NCALD: variants seen among roughly 807,000 people sequenced by gnomAD.
The protein encoded by NCALD is neurocalcin-delta.
NCALD carries 10 observed loss-of-function variants against 18.6 expected under a neutral mutation model. That is an observed-to-expected ratio of 0.54 (90% CI 0.33 to 0.91). NCALD has a LOEUF of 0.91. Ranked by LOEUF, NCALD falls within the 40% of genes least tolerant of loss-of-function variation. The pLI is 0.03. For missense variants in NCALD, 184 were observed against 247.6 expected, an observed-to-expected ratio of 0.74 and a Z score of 1.72; for synonymous variants, 88 against 87.4, an observed-to-expected ratio of 1.01 and a Z score of -0.04.
At chr8:101,999,553 C>A (rs1821369216) in intron 2 of NCALD, among the ~76,000 whole-genome samples, 1 of 152,058 alleles carries the variant, frequency 6.6e-6, no homozygotes, top group Non-Finnish European at 1.5e-5. Context: ...AAAGACTACA[C>A]CTTGGGTACA....
intron 1 of NCALD, among the ~76,000 whole-genome samples, chr8:102,040,307 C>T (rs1386173561): frequency 1.3e-5 from 2 of 151,754 alleles, no homozygotes; most frequent in African/African-American, 2.4e-5. Context: ...AACCCCATCT[C>T]TACTAAAAAC....
At chr8:102,030,610 A>C (rs981362954) in intron 1 of NCALD, among the ~76,000 whole-genome samples, 5 of 152,226 alleles carry the variant, frequency 3.3e-5, no homozygotes, top group Non-Finnish European at 7.3e-5. Context: ...GGCTGGGCAC[A>C]GTGGCTCATG....
In NCALD at chr8:102,031,224, A is replaced by G. The variant is rs200495198; in HGVS notation, c.-209-10935T>C. 4.6e-5 allele frequency among the ~76,000 whole-genome samples: 7 copies of G among 152,352 alleles called. No individual in the cohort carries two copies. In the East Asian group the frequency reaches 1.3e-3, roughly 29 times the overall value. On this transcript the variant is annotated intron_variant, in intron 1 of 6. Transcript: ENST00000311028. The stretch of plus-strand genomic sequence containing the variant: ...TGCAATCAGCAAAATCTAGTCTATG[A>G]GAAACTCTACAAGTCACAAGGCTGG...
chr8:101,910,946 C>G (rs1180131357), intron 3 of NCALD, among the ~76,000 whole-genome samples: 3 of 152,196 alleles, frequency 2.0e-5, no homozygotes, highest in Non-Finnish European at 4.4e-5. Context: ...AAGATAAATG[C>G]ACTTGCTCTG....
At chr8:102,072,879 A>G (rs754030609) in intron 1 of NCALD, among the ~76,000 whole-genome samples, 3 of 152,150 alleles carry the variant, frequency 2.0e-5, no homozygotes, top group South Asian at 2.1e-4. Flanking sequence ...CATTTTTTTC[A>G]TAAGTGTAAA....
At chr8:102,069,278 A>T (rs1824106684) in intron 1 of NCALD, among the ~76,000 whole-genome samples, 2 of 152,160 alleles carry the variant, frequency 1.3e-5, no homozygotes, top group East Asian at 1.9e-4. Context: ...AACATATATC[A>T]TATTGTATCC....
At chr8:101,726,137 G>T (rs1185567405) in intron 1 of NCALD, among the ~76,000 whole-genome samples, 1 of 152,188 alleles carries the variant, frequency 6.6e-6, no homozygotes, top group South Asian at 2.1e-4. Flanking sequence ...TGAGGTGGGG[G>T]AGGAGATGAC....
In NCALD at chr8:101,951,039, C is replaced by A. The variant is rs183037917; in HGVS notation, c.-156-35181G>T. The stretch of plus-strand genomic sequence containing the variant: ...GTTTTGGAGGCCGCAGGTGCTAGAC[C>A]AAGCCATGCAGGCAATGCCAACCAG... On this transcript the variant is annotated intron_variant, in intron 2 of 6. Transcript: ENST00000311028. Among the ~76,000 whole-genome samples the A allele has an allele frequency of 1.2e-3, 188 of 152,316 alleles. 1 individual carries two copies. In the Middle Eastern group the frequency reaches 0.017, roughly 14 times the overall value.
At chr8:102,027,881 C>T (rs944059537) in intron 1 of NCALD, among the ~76,000 whole-genome samples, 7 of 152,160 alleles carry the variant, frequency 4.6e-5, no homozygotes, top group East Asian at 1.9e-4. Flanking sequence ...GGAAAAGCCC[C>T]TGATAAATTC....
In NCALD at chr8:101,917,306, G is replaced by T. The variant is rs143073722; in HGVS notation, c.-156-1448C>A. ...ATTCTTTGAAATAAATGAAAACAGA[G>T]ATTCAACACATCAACATCTCTGGGA... On this transcript the variant is annotated intron_variant, in intron 2 of 6. Transcript: ENST00000311028. 4.2e-3 allele frequency among the ~76,000 whole-genome samples: 638 copies of T among 152,094 alleles called. 8 individuals carry two copies. The highest frequency in any genetic ancestry group is 0.015 in the African/African-American group (605 of 41,534).
intron 1 of NCALD, among the ~76,000 whole-genome samples, chr8:101,755,549 C>T (rs1810842353): frequency 6.6e-6 from 1 of 152,170 alleles, no homozygotes. Flanking sequence ...CTATCTTCTC[C>T]TGTCTCTCAA....
intron 1 of NCALD, among the ~76,000 whole-genome samples, chr8:102,065,365 C>A (rs1024401754): frequency 1.3e-5 from 2 of 152,040 alleles, no homozygotes; most frequent in African/African-American, 4.8e-5. Flanking sequence ...GCGGGCAAAG[C>A]GGGGATGTGA....
chr8:101,982,931 G>A (rs966438485), intron 2 of NCALD, among the ~76,000 whole-genome samples: 1 of 152,112 alleles, frequency 6.6e-6, no homozygotes, highest in Non-Finnish European at 1.5e-5. Flanking sequence ...ACTGTGAAGG[G>A]TTTAGCAGAC....
intron 4 of NCALD, among the ~76,000 whole-genome samples, chr8:101,797,549 T>C (rs1290980254): frequency 6.6e-6 from 1 of 152,182 alleles, no homozygotes; most frequent in Non-Finnish European, 1.5e-5. Context: ...CCAAGTGTGG[T>C]GGCTCATGCC....
chr8:101,952,252 C>T (rs1269274307), intron 2 of NCALD, among the ~76,000 whole-genome samples: 1 of 152,176 alleles, frequency 6.6e-6, no homozygotes, highest in East Asian at 1.9e-4. Context: ...AAGTCTGTCC[C>T]ATGAAACAAC....
chr8:102,055,767 T>C (rs1281675695), intron 1 of NCALD, among the ~76,000 whole-genome samples: 1 of 152,242 alleles, frequency 6.6e-6, no homozygotes, highest in Non-Finnish European at 1.5e-5. Context: ...CAATGAACAG[T>C]TGATTACAAC....
chr8:101,859,997 G>A (rs1006767191), intron 4 of NCALD, among the ~76,000 whole-genome samples: 2 of 152,146 alleles, frequency 1.3e-5, no homozygotes, highest in African/African-American at 4.8e-5. Context: ...ATACATGATA[G>A]GTTATTATTT....
At chr8:101,984,813 T>C (rs1197522222) in intron 2 of NCALD, among the ~76,000 whole-genome samples, 1 of 152,208 alleles carries the variant, frequency 6.6e-6, no homozygotes, top group African/African-American at 2.4e-5. Flanking sequence ...ATTTAATGAT[T>C]GATTCTGTGC....
At chr8:101,783,108 T>C (rs1812082384) in intron 1 of NCALD, among the ~76,000 whole-genome samples, 1 of 152,174 alleles carries the variant, frequency 6.6e-6, no homozygotes, top group South Asian at 2.1e-4. Flanking sequence ...ACCTTAGCAG[T>C]CCTTGGACAT....
Sources: allele counts gnomAD v4.1 joint callset (sites outside exome capture counted in the v4.1 genomes callset), GRCh38; gene constraint gnomAD v4.1.1; transcripts MANE v1.5; gene names NCBI Gene and HGNC (gene_info 2026-07-23, HGNC 2026-07-21).